Variants in CNOT1 observed in about 807,000 individuals in gnomAD.
The protein encoded by CNOT1 is CCR4-NOT transcription complex subunit 1.
Under a neutral mutation model 273.8 loss-of-function variants are expected in CNOT1, and 15 were observed. That is an observed-to-expected ratio of 0.05 (90% CI 0.04 to 0.08). CNOT1 has a LOEUF of 0.08. CNOT1 is among the 10% of genes least tolerant of loss of function. The probability of loss-of-function intolerance (pLI) is 1.00; values close to 1 mark genes in which losing one functional copy is unlikely to be tolerated. For missense variants in CNOT1, 1,644 were observed against 2,912.2 expected (o/e 0.56, Z 10.02); for synonymous variants, 1,022 against 1,005.5 (o/e 1.02, Z -0.31).
rs1175507583 is a variant in CNOT1 at position 58,604,254 on chromosome 16, G to A, written c.-174-4743C>T. On this transcript the variant is annotated intron_variant, in intron 1 of 48. Coordinates refer to ENST00000317147, the MANE Select transcript of CNOT1 (RefSeq NM_016284.5). ...TATTTATAGGCCATTTTTAAATACT[G>A]TAACACAAAGCTATAGTCACTTTCC... is the stretch of plus-strand genomic sequence containing the variant. Among the ~76,000 whole-genome samples, 3 of 152,206 alleles carry A rather than the reference G, an allele frequency of 2.0e-5. No individual in the cohort carries two copies. The East Asian group carries it at 5.8e-4, about 29-fold the overall frequency.
intron 1 of CNOT1, among the ~76,000 whole-genome samples, chr16:58,621,873 T>G (rs2043335374): frequency 7.6e-6 from 1 of 131,908 alleles, no homozygotes; most frequent in Admixed American, 8.7e-5. Flanking sequence ...ATCGCACCAC[T>G]GCACTCCAGC....
intron 16 of CNOT1, among the ~76,000 whole-genome samples, 156 bp downstream of exon 16, chr16:58,574,453 T>A (rs1431116147): frequency 3.3e-5 from 5 of 150,004 alleles, no homozygotes; most frequent in Non-Finnish European, 5.9e-5. Context: ...CTCAAATGGA[T>A]CTAGTATGTA....
intron 43 of CNOT1, among the ~76,000 whole-genome samples, chr16:58,529,469 G>C (rs768426888): frequency 1.3e-5 from 2 of 151,910 alleles, no homozygotes; most frequent in African/African-American, 2.4e-5. Flanking sequence ...ACAAACAAGA[G>C]CCAAAAGACT....
At chr16:58,626,406 C>CAAA (rs34556623) in intron 1 of CNOT1, among the ~76,000 whole-genome samples, 61 of 60,958 alleles carry the variant, frequency 1.0e-3, no homozygotes, top group East Asian at 3.2e-3. Context: ...GACTGCGTCT[C>CAAA]AAAAAAAAAA....
At chr16:58,530,548 C>T in intron 42 of CNOT1, 1 of 378,002 alleles carries the variant, frequency 2.6e-6, no homozygotes, top group Non-Finnish European at 4.7e-6. Flanking sequence ...TCTGGGAGGC[C>T]AAGGCCAGTG....
At chr16:58,563,527 T>C (rs1006228226) in intron 16 of CNOT1, among the ~76,000 whole-genome samples, 2 of 152,184 alleles carry the variant, frequency 1.3e-5, no homozygotes, top group Admixed American at 6.5e-5. Flanking sequence ...GGTCTACTTA[T>C]TTACTTTAGA....
At chr16:58,581,035 AAACTATTGGGAAAACACCTTGACTG>A (rs2041639162) in intron 11 of CNOT1, among the ~76,000 whole-genome samples, 3 of 25,398 alleles carry the variant, frequency 1.2e-4, no homozygotes, top group African/African-American at 7.2e-4. Flanking sequence ...GAACATCATT[AAACTATTGGGAAAACACCTTGACTG>A]TTAAAAGACA....
intron 16 of CNOT1, among the ~76,000 whole-genome samples, chr16:58,572,193 G>A (rs974038737): frequency 6.6e-6 from 1 of 151,596 alleles, no homozygotes; most frequent in Non-Finnish European, 1.5e-5. Flanking sequence ...TGAGGCAGGA[G>A]AATCACTTGA....
At position 58,596,887 on chromosome 16, in the gene CNOT1, C is replaced by CAAA. The variant is rs58567423; in HGVS notation, c.102+2346_102+2348dup. The stretch of plus-strand genomic sequence containing the variant: ...TGGGCGACAAAGTGAGACTCCGTCT[C>CAAA]AAAAAAAAAAAAAAAAAAAAAAAAA... On this transcript the variant is annotated intron_variant, in intron 2 of 48. Coordinates refer to ENST00000317147, the MANE Select transcript of CNOT1 (RefSeq NM_016284.5). Among the ~76,000 whole-genome samples, 74 of 69,976 alleles carry CAAA rather than the reference C, an allele frequency of 1.1e-3. 2 individuals are homozygous for CAAA. The highest frequency in any genetic ancestry group is 4.2e-3 in the East Asian group (5 of 1,200). 45.9% of individuals were successfully genotyped at this position (69,976 alleles called of 152,430 possible).
chr16:58,545,252 A>G (rs2151920372), intron 30 of CNOT1, 109 bp downstream of exon 30: 1 of 1,514,676 alleles, frequency 6.6e-7, no homozygotes, highest in Admixed American at 2.1e-5. Flanking sequence ...GACAAACTCT[A>G]CAACCTAGGA....
At chr16:58,565,658 C>G (rs553783126) in intron 16 of CNOT1, among the ~76,000 whole-genome samples, 1 of 152,178 alleles carries the variant, frequency 6.6e-6, no homozygotes, top group East Asian at 1.9e-4. Flanking sequence ...AAGTACAACT[C>G]AGGGCCAAGT....
intron 18 of CNOT1, among the ~76,000 whole-genome samples, chr16:58,557,467 T>C (rs181161449): frequency 6.6e-6 from 1 of 152,308 alleles, no homozygotes; most frequent in East Asian, 1.9e-4. Flanking sequence ...CAGTGACGTT[T>C]ATTTAAATGA....
chr16:58,560,140 T>G (rs1163145015), intron 17 of CNOT1, 72 bp downstream of exon 17: 2 of 1,556,080 alleles, frequency 1.3e-6, no homozygotes, highest in African/African-American at 2.8e-5. Flanking sequence ...GACAATTTAT[T>G]AATGACATAG....
chr16:58,588,647 GA>G, intron 3 of CNOT1, 151 bp downstream of exon 3: 23 of 1,068,122 alleles, frequency 2.2e-5, no homozygotes, highest in Non-Finnish European at 2.6e-5. Flanking sequence ...GGGACGCACA[GA>G]AAAAAAAGGA....
intron 1 of CNOT1, among the ~76,000 whole-genome samples, chr16:58,604,778 C>A (rs1468676495): frequency 9.4e-6 from 1 of 105,920 alleles, no homozygotes; most frequent in African/African-American, 3.6e-5. Context: ...GCCTGCGCAA[C>A]AAGAGCGAAA....
At chr16:58,578,979 C>A (rs150131347) in intron 12 of CNOT1, 40 bp from the exon 13 acceptor site, 2 of 1,598,926 alleles carry the variant, frequency 1.3e-6, no homozygotes, top group African/African-American at 2.7e-5. Flanking sequence ...CAATGAAAAT[C>A]CAAGTATACA....
rs2039342448 is a variant in CNOT1 at position 58,520,832 on chromosome 16, G to A, written c.*126C>T. On this transcript the variant is annotated 3_prime_UTR_variant, in exon 49 of 49. Coordinates refer to ENST00000317147, the MANE Select transcript of CNOT1 (RefSeq NM_016284.5). ...AGGAGGCTGATCCCAACAGTAGTTG[G>A]GGCAGATACCCACAAACCAAAGGGC... 1 of 934,624 alleles carries A rather than the reference G, an allele frequency of 1.1e-6. No individual in the cohort carries two copies. Among genetic ancestry groups the A allele is most frequent in the Non-Finnish European group, 1.7e-6 (1 of 597,766 alleles). The allele number at this position is 934,624 out of a possible 1,614,324, so 57.9% of individuals were successfully genotyped here.
intron 22 of CNOT1, among the ~76,000 whole-genome samples, 159 bp downstream of exon 22, chr16:58,553,623 C>G (rs2040529793): frequency 6.6e-6 from 1 of 152,074 alleles, no homozygotes; most frequent in Non-Finnish European, 1.5e-5. Flanking sequence ...TGTAAGGCCA[C>G]AAAATGAGCA....
At chr16:58,592,231 T>G (rs1472838011) in intron 2 of CNOT1, among the ~76,000 whole-genome samples, 3 of 152,132 alleles carry the variant, frequency 2.0e-5, no homozygotes, top group Admixed American at 6.5e-5. Flanking sequence ...ATAAAATAGT[T>G]TTAGAAGAAA....
Sources: gnomAD v4.1 joint callset for allele counts (sites outside exome capture counted in the v4.1 genomes callset) on GRCh38, gnomAD v4.1.1 for gene constraint, MANE v1.5 for transcripts, NCBI Gene and HGNC (gene_info 2026-07-23, HGNC 2026-07-21) for gene names.